The following REV3L variants were observed in gnomAD, a reference collection of about 807,000 sequenced individuals.
REV3L encodes DNA polymerase zeta catalytic subunit.
REV3L carries 69 observed loss-of-function variants against 299.4 expected under a neutral mutation model. The ratio of observed to expected loss-of-function variants is 0.23; its 90% CI spans 0.19 to 0.28. REV3L has a LOEUF of 0.28. REV3L is among the 10% of genes least tolerant of loss of function. The pLI is 1.00. For missense variants in REV3L, 3,128 were observed against 3,693.8 expected, an observed-to-expected ratio of 0.85 and a Z score of 3.97; for synonymous variants, 1,238 against 1,271.4, an observed-to-expected ratio of 0.97 and a Z score of 0.56.
chr6:111,301,501 AT>A (rs1454952760), intron 31 of REV3L, among the ~76,000 whole-genome samples: 2 of 151,728 alleles, frequency 1.3e-5, no homozygotes, highest in Non-Finnish European at 2.9e-5. Flanking sequence ...CAGCTGTAAA[AT>A]TTCAAAAAAA....
rs1367065862 is a variant in REV3L at position 111,363,897 on chromosome 6, T to G, written c.6835A>C (p.Lys2279Gln). The stretch of plus-strand genomic sequence containing the variant: ...TCCTGTAAGTTTTGTATGCTGACTT[T>G]GAAACCGTAAGTATTGTTTAAAGAT... ...GPSLNNTYGF[K>Q]VSIQNLQEAK... Residue 2279 changes from lysine to glutamine, a missense_variant, in exon 16 of 32, where the codon AAA becomes CAA. Around this residue, in one of 9 missense-constraint regions of REV3L, gnomAD observed 2,409 missense variants for 2,611.8 expected, o/e 0.92. Transcript: ENST00000368802. 8 of 1,613,476 alleles carry G rather than the reference T, an allele frequency of 5.0e-6. No homozygotes were observed. The highest frequency in any genetic ancestry group is 6.8e-6 in the Non-Finnish European group (8 of 1,179,740).
At chr6:111,391,358 G>A (rs972969668) in intron 5 of REV3L, among the ~76,000 whole-genome samples, 3 of 152,018 alleles carry the variant, frequency 2.0e-5, no homozygotes, top group Admixed American at 6.5e-5. Context: ...GAGCCATTGC[G>A]CCCTGGCCTT....
chr6:111,303,715 TTTTTTTTTTTTTTTTTTTTTTTA>T, intron 31 of REV3L, among the ~76,000 whole-genome samples: 1 of 74,916 alleles, frequency 1.3e-5, no homozygotes, highest in Non-Finnish European at 3.1e-5. Flanking sequence ...TTTTTTTTTT[TTTTTTTTTTTTTTTTTTTTTTTA>T]AGATGGAGTC....
chr6:111,303,801 C>A (rs865818291), intron 31 of REV3L, among the ~76,000 whole-genome samples: 1 of 141,656 alleles, frequency 7.1e-6, no homozygotes, highest in Non-Finnish European at 1.5e-5. Flanking sequence ...CTCACTGCAG[C>A]CTCTGCCTCC....
intron 27 of REV3L, among the ~76,000 whole-genome samples, chr6:111,313,790 CG>C (rs1220837100): frequency 1.3e-5 from 2 of 152,138 alleles, no homozygotes; most frequent in African/African-American, 2.4e-5. Flanking sequence ...TTTATTTTTC[CG>C]GATCTATCTC....
At chr6:111,340,639 AAAGGGG>A (rs1455079347) in intron 21 of REV3L, among the ~76,000 whole-genome samples, 3 of 152,150 alleles carry the variant, frequency 2.0e-5, no homozygotes, top group Admixed American at 6.5e-5. Flanking sequence ...ATGGAAATCA[AAAGGGG>A]TTACCATACC....
At chr6:111,307,191 CATT>C (rs1297851493) in intron 31 of REV3L, among the ~76,000 whole-genome samples, 167 bp downstream of exon 31, 1 of 151,982 alleles carries the variant, frequency 6.6e-6, no homozygotes, top group Admixed American at 6.6e-5. Flanking sequence ...TAAAACAAAC[CATT>C]ATTAATAGTT....
chr6:111,465,765 A>AAAACAAAAAAAAC (rs1562355768), intron 1 of REV3L, among the ~76,000 whole-genome samples: 5 of 133,148 alleles, frequency 3.8e-5, no homozygotes, highest in Non-Finnish European at 8.9e-5. Flanking sequence ...AAAAAAAAAA[A>AAAACAAAAAAAAC]ACTTTGTTTA....
At chr6:111,390,254 AT>A in intron 5 of REV3L, 74 bp from the exon 6 acceptor site, 1 of 877,806 alleles carries the variant, frequency 1.1e-6, no homozygotes, top group South Asian at 1.4e-5. Context: ...TACTTATACA[AT>A]TATCTTACAT....
At chr6:111,389,482 A>T (rs1369041445) in intron 6 of REV3L, among the ~76,000 whole-genome samples, 1 of 152,112 alleles carries the variant, frequency 6.6e-6, no homozygotes, top group Non-Finnish European at 1.5e-5. Flanking sequence ...ATAATATGAA[A>T]ATTAAGAAAT....
intron 1 of REV3L, among the ~76,000 whole-genome samples, chr6:111,434,605 C>T (rs536776053): frequency 6.1e-4 from 86 of 141,014 alleles, no homozygotes; most frequent in African/African-American, 2.2e-3. Flanking sequence ...GGCGACAGGG[C>T]GAGACTCCGT....
chr6:111,481,877 A>T (rs1793720236), intron 1 of REV3L, among the ~76,000 whole-genome samples: 1 of 152,070 alleles, frequency 6.6e-6, no homozygotes, highest in South Asian at 2.1e-4. Context: ...TCCCCTTCCC[A>T]TCCCTTCTTC....
chr6:111,475,023 A>T (rs1461159367), intron 1 of REV3L, among the ~76,000 whole-genome samples: 1 of 146,632 alleles, frequency 6.8e-6, no homozygotes, highest in African/African-American at 2.5e-5. Context: ...ACACACACAC[A>T]TATGGATTTT....
chr6:111,344,149 A>AT, intron 20 of REV3L, 106 bp from the exon 21 acceptor site: 2 of 673,482 alleles, frequency 3.0e-6, no homozygotes, highest in Non-Finnish European at 5.0e-6. Flanking sequence ...GTAGATATTA[A>AT]AGCTACTTGT....
chr6:111,335,045 G>T (rs1775771707), intron 22 of REV3L, among the ~76,000 whole-genome samples: 2 of 151,746 alleles, frequency 1.3e-5, no homozygotes, highest in South Asian at 4.1e-4. Flanking sequence ...GGCTTCTTAG[G>T]TTTCTTTTTT....
At chr6:111,359,842 ATAAAT>A (rs1273908124) in intron 16 of REV3L, among the ~76,000 whole-genome samples, 1 of 152,206 alleles carries the variant, frequency 6.6e-6, no homozygotes, top group Non-Finnish European at 1.5e-5. Context: ...TTCAGATCAT[ATAAAT>A]TTAACAAAGG....
At chr6:111,365,733 C>G (rs1408696834) in intron 14 of REV3L, among the ~76,000 whole-genome samples, 1 of 152,022 alleles carries the variant, frequency 6.6e-6, no homozygotes. Flanking sequence ...TATAACTGCA[C>G]TAATACAACA....
rs189697888 is a variant in REV3L at position 111,431,790 on chromosome 6, C to T, written c.140-15318G>A. 23 of 719,972 alleles carry T rather than the reference C, an allele frequency of 3.2e-5. No homozygotes were observed. The Admixed American group carries it at 4.4e-4, about 14-fold the overall frequency. 44.6% of individuals were successfully genotyped at this position (719,972 alleles called of 1,614,324 possible). A position where few individuals can be genotyped will look rare whatever the true frequency, so the allele number is the denominator to read the frequency against. On this transcript the variant is annotated intron_variant, in intron 1 of 31. Transcript: ENST00000368802. ...GTGGACCTGGTGGAAGTTGAGGCCA[C>T]CTGTATTTGATTATATATTATGTAC...
intron 1 of REV3L, among the ~76,000 whole-genome samples, chr6:111,454,688 T>TG (rs1250194052): frequency 2.0e-5 from 3 of 152,108 alleles, no homozygotes; most frequent in African/African-American, 4.8e-5. Flanking sequence ...TTTTTTGAGA[T>TG]GGAGTTTCGC....
Sources: allele counts gnomAD v4.1 joint callset (sites outside exome capture counted in the v4.1 genomes callset), GRCh38; gene constraint gnomAD v4.1.1; regional missense constraint gnomAD v4.1.1; transcripts MANE v1.5; gene names NCBI Gene and HGNC (gene_info 2026-07-23, HGNC 2026-07-21).